PAN3: variants seen among roughly 807,000 people sequenced by gnomAD.
PAN3 encodes the protein PAN2-PAN3 deadenylation complex subunit PAN3.
Under a neutral mutation model 96.2 loss-of-function variants are expected in PAN3, and 19 were observed. That is an observed-to-expected ratio of 0.20 (90% CI 0.14 to 0.29). The LOEUF (loss-of-function observed/expected upper bound fraction) is 0.29. Among genes scored for constraint, PAN3 ranks in the 10% least tolerant of loss-of-function variants. The pLI is 1.00. For missense variants in PAN3, 882 were observed against 1,108.1 expected, an observed-to-expected ratio of 0.80 and a Z score of 2.90; for synonymous variants, 433 against 406.6, an observed-to-expected ratio of 1.06 and a Z score of -0.78.
intron 3 of PAN3, among the ~76,000 whole-genome samples, chr13:28,177,030 T>C (rs888774014): frequency 1.1e-4 from 17 of 152,218 alleles, no homozygotes; most frequent in African/African-American, 3.9e-4. Context: ...ATGTACTACA[T>C]TGTGAAGAGA....
chr13:28,226,312 T>C lies in PAN3; in HGVS notation c.1000+5934T>C, dbSNP rs1881997043. ...ACATAACAGATTTTCCTTGTAATTGTTTCTCAGAAGTCTACTGTTAAATGG... is the reference window on the plus strand; with the variant it reads ...ACATAACAGATTTTCCTTGTAATTGCTTCTCAGAAGTCTACTGTTAAATGG... On this transcript the variant is annotated intron_variant, in intron 6 of 18. Transcript: ENST00000380958. 1.3e-5 allele frequency among the ~76,000 whole-genome samples: 2 copies of C among 152,222 alleles called. 1 individual carries two copies. Among genetic ancestry groups the C allele is most frequent in the South Asian group, 4.1e-4 (2 of 4,838 alleles).
intron 6 of PAN3, among the ~76,000 whole-genome samples, chr13:28,239,192 TGCACACAC>T (rs1298289465): frequency 0.014 from 918 of 66,726 alleles, 9 homozygotes; most frequent in African/African-American, 0.054. Flanking sequence ...CACACACGCA[TGCACACAC>T]GCACACACAC....
At chr13:28,264,913 C>T (rs1039845970) in intron 9 of PAN3, among the ~76,000 whole-genome samples, 1 of 152,148 alleles carries the variant, frequency 6.6e-6, no homozygotes, top group Admixed American at 6.5e-5. Flanking sequence ...GCGAATTGTA[C>T]TTCTTAAATG....
chr13:28,205,426 A>T (rs1879229915), intron 5 of PAN3, among the ~76,000 whole-genome samples: 1 of 151,906 alleles, frequency 6.6e-6, no homozygotes, highest in Admixed American at 6.6e-5. Flanking sequence ...GACCTACTCA[A>T]CCCTTACTCT....
intron 6 of PAN3, among the ~76,000 whole-genome samples, chr13:28,242,484 AC>A (rs1200177064): frequency 2.6e-5 from 4 of 152,214 alleles, no homozygotes; most frequent in Non-Finnish European, 5.9e-5. Context: ...TCCCCATAGA[AC>A]AATTGAATCA....
At chr13:28,237,599 A>C (rs1883230740) in intron 6 of PAN3, among the ~76,000 whole-genome samples, 1 of 152,242 alleles carries the variant, frequency 6.6e-6, no homozygotes, top group Non-Finnish European at 1.5e-5. Flanking sequence ...GTTCGGGTTT[A>C]TTACATTAAC....
intron 1 of PAN3, among the ~76,000 whole-genome samples, chr13:28,172,469 T>G (rs1874435316): frequency 1.3e-5 from 2 of 151,990 alleles, no homozygotes; most frequent in African/African-American, 4.8e-5. Context: ...AAAAAAATTA[T>G]TTAGTCTTTA....
intron 4 of PAN3, among the ~76,000 whole-genome samples, chr13:28,195,606 G>A (rs1877954705): frequency 6.6e-6 from 1 of 152,080 alleles, no homozygotes; most frequent in Non-Finnish European, 1.5e-5. Flanking sequence ...CATGATCTCG[G>A]CTCACTGCAG....
At chr13:28,184,235 C>T (rs530994912) in intron 4 of PAN3, among the ~76,000 whole-genome samples, 24 of 151,730 alleles carry the variant, frequency 1.6e-4, no homozygotes, top group East Asian at 7.7e-4. Flanking sequence ...GATGATTTTC[C>T]GTATTTGTTC....
chr13:28,275,346 T>TCTTGGA (rs1358199779), intron 14 of PAN3, among the ~76,000 whole-genome samples: 1 of 152,202 alleles, frequency 6.6e-6, no homozygotes, highest in Non-Finnish European at 1.5e-5. Context: ...TCTTCAGCTC[T>TCTTGGA]CTTGGACCAT....
chr13:28,157,800 T>C (rs1281573988), intron 1 of PAN3, among the ~76,000 whole-genome samples: 1 of 152,208 alleles, frequency 6.6e-6, no homozygotes, highest in Non-Finnish European at 1.5e-5. Context: ...AAATATTCAA[T>C]GCTTTTCCTA....
At chr13:28,247,038 A>G (rs1389952066) in intron 6 of PAN3, among the ~76,000 whole-genome samples, 1 of 152,094 alleles carries the variant, frequency 6.6e-6, no homozygotes, top group Non-Finnish European at 1.5e-5. Flanking sequence ...ATTCCCATCA[A>G]CAGCATACCA....
chr13:28,244,841 G>GTTTTA (rs1327325943), intron 6 of PAN3, among the ~76,000 whole-genome samples: 14 of 150,780 alleles, frequency 9.3e-5, no homozygotes, highest in Non-Finnish European at 1.5e-4. Context: ...TTTTTATTTT[G>GTTTTA]TTTTATTTTA....
At chr13:28,169,235 T>C (rs1873988174) in intron 1 of PAN3, among the ~76,000 whole-genome samples, 1 of 133,068 alleles carries the variant, frequency 7.5e-6, no homozygotes, top group African/African-American at 2.9e-5. Flanking sequence ...TTTTTTTTTT[T>C]TTTTTTTTTT....
rs569775853 is a variant in PAN3, at chr13:28,223,586, G to T, written c.1000+3208G>T. On this transcript the variant is annotated intron_variant, in intron 6 of 18. Transcript: ENST00000380958. ...GTTTTTTGTTTTTTGTTTTTGAGAC[G>T]GAGTTTTGCTCTTGTTGCCCAGGCT... is the stretch of plus-strand genomic sequence containing the variant. Among the ~76,000 whole-genome samples the T allele has an allele frequency of 7.3e-5, 11 of 151,038 alleles. No homozygotes were observed. The South Asian group carries it at 1.9e-3, about 26-fold the overall frequency.
At chr13:28,280,323 G>A in intron 15 of PAN3, 89 bp from the exon 16 acceptor site, 1 of 1,412,410 alleles carries the variant, frequency 7.1e-7, no homozygotes, top group Non-Finnish European at 9.5e-7. Context: ...GTGCTAAGAT[G>A]ACGGCAGCCA....
intron 4 of PAN3, among the ~76,000 whole-genome samples, chr13:28,182,924 T>G (rs1875986354): frequency 6.6e-6 from 1 of 152,318 alleles, no homozygotes; most frequent in South Asian, 2.1e-4. Flanking sequence ...TTATAGCATT[T>G]TTATTCTAAA....
chr13:28,194,467 T>TATATATATATA (rs1491280126), intron 4 of PAN3, among the ~76,000 whole-genome samples: 1 of 98,984 alleles, frequency 1.0e-5, no homozygotes, highest in African/African-American at 4.8e-5. Flanking sequence ...TATATATATA[T>TATATATATATA]TTTTTTTTTT....
chr13:28,203,811 T>TC (rs201929191), intron 5 of PAN3, among the ~76,000 whole-genome samples: 20 of 150,652 alleles, frequency 1.3e-4, no homozygotes, highest in East Asian at 1.9e-4. Context: ...TCTTTTCTTT[T>TC]TTTTTTTTTT....
Sources: gnomAD v4.1 joint callset for allele counts (sites outside exome capture counted in the v4.1 genomes callset) on GRCh38, gnomAD v4.1.1 for gene constraint, MANE v1.5 for transcripts, NCBI Gene and HGNC (gene_info 2026-07-23, HGNC 2026-07-21) for gene names.